The following SPECC1 variants were observed in gnomAD, a reference collection of about 807,000 sequenced individuals.
SPECC1 encodes the protein cytospin-B.
A neutral mutation model predicts 104.1 loss-of-function variants in SPECC1; 62 were observed. The observed-to-expected ratio is 0.60, with a 90% CI of 0.49 to 0.74. The LOEUF is 0.74. Among genes scored for constraint, SPECC1 ranks in the 30% least tolerant of loss-of-function variants. SPECC1 has a pLI of 0.00. For missense variants in SPECC1, 1,306 were observed against 1,310.5 expected, an observed-to-expected ratio of 1.00 and a Z score of 0.05; for synonymous variants, 513 against 501.6, an observed-to-expected ratio of 1.02 and a Z score of -0.30.
At chr17:20,239,277 A>G in intron 7 of SPECC1, 1 of 1,013,782 alleles carries the variant, frequency 9.9e-7, no homozygotes, top group Non-Finnish European at 1.2e-6. Context: ...AACAAAATGG[A>G]GACGTGTGAA....
intron 1 of SPECC1, among the ~76,000 whole-genome samples, chr17:20,022,006 G>T (rs1162918757): frequency 2.0e-5 from 3 of 151,560 alleles, no homozygotes; most frequent in Non-Finnish European, 2.9e-5. Flanking sequence ...CAGTGGCATG[G>T]TCTCGGCTCA....
rs189039576 is a variant in SPECC1, at chr17:20,075,899, A to G, written c.-21-20732A>G. Among the ~76,000 whole-genome samples the G allele has an allele frequency of 2.6e-4, 40 of 152,314 alleles. No homozygotes were observed. In the East Asian group the frequency reaches 5.4e-3, roughly 21 times the overall value. ...GAGGTTGAGGCTACAGTGAGCTGTG[A>G]TCATGCCACTACATTTCACCTTGGG... On this transcript the variant is annotated intron_variant, in intron 1 of 14. Coordinates refer to ENST00000395527, the MANE Select transcript of SPECC1 (RefSeq NM_001243439.2).
chr17:20,054,800 G>A (rs1321660506), intron 1 of SPECC1, among the ~76,000 whole-genome samples: 2 of 151,960 alleles, frequency 1.3e-5, no homozygotes, highest in Non-Finnish European at 2.9e-5. Context: ...CCCTAGGAGT[G>A]CACCTCCACA....
At chr17:20,250,600 C>A (rs1376612928) in intron 9 of SPECC1, among the ~76,000 whole-genome samples, 3 of 152,152 alleles carry the variant, frequency 2.0e-5, no homozygotes, top group East Asian at 1.9e-4. Context: ...TAATTTATAT[C>A]TTTTCCTTAA....
intron 13 of SPECC1, among the ~76,000 whole-genome samples, chr17:20,301,944 GA>G (rs1220429282): frequency 6.6e-6 from 1 of 152,178 alleles, no homozygotes; most frequent in Non-Finnish European, 1.5e-5. Flanking sequence ...GACTTTAGGT[GA>G]TCCACCCGCT....
At chr17:20,187,029 GTTTTGAAC>G (rs2035328518) in intron 3 of SPECC1, among the ~76,000 whole-genome samples, 1 of 151,586 alleles carries the variant, frequency 6.6e-6, no homozygotes, top group African/African-American at 2.4e-5. Context: ...GACCAGATGT[GTTTTGAAC>G]TTTGGATTTT....
chr17:20,026,564 TTAAATA>T (rs139167835), intron 1 of SPECC1, among the ~76,000 whole-genome samples: 10,449 of 152,152 alleles, frequency 0.069, 955 homozygotes, highest in African/African-American at 0.21. Context: ...ACTTATTTCA[TTAAATA>T]TAATGTCCTC....
intron 1 of SPECC1, among the ~76,000 whole-genome samples, chr17:20,072,985 G>C (rs1481296594): frequency 6.6e-6 from 1 of 152,146 alleles, no homozygotes; most frequent in Non-Finnish European, 1.5e-5. Flanking sequence ...GCCATCCGTA[G>C]TAGCAGGGAA....
At chr17:20,104,187 G>A (rs72830140) in intron 2 of SPECC1, among the ~76,000 whole-genome samples, 11,409 of 152,190 alleles carry the variant, frequency 0.075, 461 homozygotes, top group Middle Eastern at 0.085. Flanking sequence ...TAAGGAGGGT[G>A]AAAAAGCAGC....
chr17:20,022,060 A>G (rs552374879), intron 1 of SPECC1, among the ~76,000 whole-genome samples: 4 of 151,272 alleles, frequency 2.6e-5, no homozygotes, highest in Admixed American at 6.6e-5. Context: ...TCCTGCCTCA[A>G]CCTCCTGAGT....
chr17:20,287,021 T>G (rs1016317527), intron 12 of SPECC1, among the ~76,000 whole-genome samples: 3 of 152,224 alleles, frequency 2.0e-5, no homozygotes, highest in African/African-American at 7.2e-5. Flanking sequence ...TCGGCTGCCG[T>G]CAGCAGCCTC....
At chr17:20,125,989 A>G (rs1050939053) in intron 3 of SPECC1, among the ~76,000 whole-genome samples, 7 of 152,172 alleles carry the variant, frequency 4.6e-5, no homozygotes, top group African/African-American at 1.4e-4. Context: ...CACAAGGTGC[A>G]GTGCTGGTTT....
At chr17:20,213,624 T>C (rs1411076287) in intron 4 of SPECC1, among the ~76,000 whole-genome samples, 4 of 152,162 alleles carry the variant, frequency 2.6e-5, no homozygotes, top group African/African-American at 4.8e-5. Flanking sequence ...AGAAATGTTA[T>C]TTTGTTTGAC....
chr17:20,086,690 T>C (rs974312228), intron 1 of SPECC1, among the ~76,000 whole-genome samples: 6 of 152,220 alleles, frequency 3.9e-5, no homozygotes, highest in Non-Finnish European at 8.8e-5. Flanking sequence ...GTGGACGTGG[T>C]GAGGGGCCAG....
intron 3 of SPECC1, among the ~76,000 whole-genome samples, chr17:20,143,385 CAAAAAA>C (rs559355436): frequency 1.9e-5 from 2 of 106,350 alleles, no homozygotes; most frequent in African/African-American, 6.9e-5. Flanking sequence ...GATCAAGTTT[CAAAAAA>C]AAAAAAAAAA....
At chr17:20,040,983 CTT>C (rs753909826) in intron 1 of SPECC1, among the ~76,000 whole-genome samples, 24 of 152,072 alleles carry the variant, frequency 1.6e-4, no homozygotes, top group Non-Finnish European at 2.6e-4. Flanking sequence ...GTCTTTGAGA[CTT>C]TCTCCCTCAC....
chr17:20,070,809 A>G (rs953906875), intron 1 of SPECC1, among the ~76,000 whole-genome samples: 1 of 150,048 alleles, frequency 6.7e-6, no homozygotes, highest in Non-Finnish European at 1.5e-5. Flanking sequence ...TGACATTTTC[A>G]AGTTGTTTAT....
At chr17:20,275,193 G>A (rs1218097845) in intron 12 of SPECC1, among the ~76,000 whole-genome samples, 1 of 151,976 alleles carries the variant, frequency 6.6e-6, no homozygotes, top group Non-Finnish European at 1.5e-5. Flanking sequence ...CATATCTGGG[G>A]GCAAAATTCC....
At chr17:20,055,060 G>A (rs564579335) in intron 1 of SPECC1, among the ~76,000 whole-genome samples, 178 of 152,264 alleles carry the variant, frequency 1.2e-3, no homozygotes, top group Non-Finnish European at 6.5e-4. Context: ...TAACTGCAAC[G>A]TTATGTTCGT....
Sources: gnomAD v4.1 joint callset for allele counts (sites outside exome capture counted in the v4.1 genomes callset) on GRCh38, gnomAD v4.1.1 for gene constraint, MANE v1.5 for transcripts, NCBI Gene and HGNC (gene_info 2026-07-23, HGNC 2026-07-21) for gene names.